Variants in RASGEF1C observed in about 807,000 individuals in gnomAD.
The protein encoded by RASGEF1C is ras-GEF domain-containing family member 1C.
In RASGEF1C, 27 loss-of-function variants were observed where a neutral mutation model predicts 58.1. The observed-to-expected ratio is 0.46, with a 90% CI of 0.34 to 0.64. RASGEF1C has a LOEUF of 0.64. Among genes scored for constraint, RASGEF1C ranks in the 30% least tolerant of loss-of-function variants. The pLI is 0.01. For missense variants in RASGEF1C, 502 were observed against 605.1 expected (o/e 0.83, Z 1.79); for synonymous variants, 243 against 246.3 (o/e 0.99, Z 0.13).
intron 6 of RASGEF1C, 72 bp downstream of exon 6, chr5:180,127,537 C>A: frequency 1.4e-6 from 2 of 1,447,854 alleles, no homozygotes; most frequent in South Asian, 1.4e-5. Flanking sequence ...AGAGAAGGCT[C>A]GCGGGCTCCC....
chr5:180,195,194 C>T (rs1289593768), intron 1 of RASGEF1C, among the ~76,000 whole-genome samples: 2 of 152,128 alleles, frequency 1.3e-5, no homozygotes, highest in Non-Finnish European at 2.9e-5. Context: ...GCATCGTGCC[C>T]TCCCGCCAGC....
At position 180,127,679 on chromosome 5, in the gene RASGEF1C, C is replaced by T. The variant is rs1334246641; in HGVS notation, c.644G>A (p.Arg215Gln). ...AQQLTHVELE[R>Q]LRHIGPEEFV... ...CTCCTCAGGCCCGATGTGCCGCAGCCGCTCCTGCAGGGAAGGGTGAAGAGT... is the reference window on the plus strand; with the variant it reads ...CTCCTCAGGCCCGATGTGCCGCAGCTGCTCCTGCAGGGAAGGGTGAAGAGT... Residue 215 changes from arginine (R) to glutamine (Q), a missense_variant, in exon 6 of 14, where the codon CGG becomes CAG. Transcript: ENST00000361132. The T allele has an allele frequency of 1.2e-6, 2 of 1,612,574 alleles. No individual in the cohort carries two copies. The highest frequency in any genetic ancestry group is 1.7e-5 in the Admixed American group (1 of 59,804).
rs1359547955 is a variant in RASGEF1C at position 180,199,303 on chromosome 5, T to C, written c.-7+9725A>G. Among the ~76,000 whole-genome samples the C allele has an allele frequency of 3.3e-5, 5 of 152,276 alleles. No homozygotes were observed. In the South Asian group the frequency reaches 6.2e-4, roughly 19 times the overall value. On this transcript the variant is annotated intron_variant, in intron 1 of 13. Transcript: ENST00000361132. ...CTTTCTACAGGAACGACAAAAAGCA[T>C]GTGGAAGTCCCGCTGTAGATTAAAG... is the stretch of plus-strand genomic sequence containing the variant.
chr5:180,179,117 G>A (rs992601872), intron 1 of RASGEF1C, among the ~76,000 whole-genome samples: 3 of 152,174 alleles, frequency 2.0e-5, no homozygotes, highest in Admixed American at 6.5e-5. Context: ...GGTCTGGATC[G>A]AGCTGGAATC....
rs1249955196 is a variant in RASGEF1C at position 180,155,221 on chromosome 5, C to T, written c.-6-17163G>A. Reference sequence around the variant, plus strand: ...TATGCTAGCTCATGTCTGGCTGCCCCGAGCAGTGGTAGCATCACGTCTAGG... The same window carrying T: ...TATGCTAGCTCATGTCTGGCTGCCCTGAGCAGTGGTAGCATCACGTCTAGG... On this transcript the variant is annotated intron_variant, in intron 1 of 13. Coordinates refer to ENST00000361132, the MANE Select transcript of RASGEF1C (RefSeq NM_175062.4). The surrounding 1 kb of genome is among the most constrained non-coding windows in gnomAD (Gnocchi z 5.2). Among the ~76,000 whole-genome samples the T allele has an allele frequency of 2.0e-5, 3 of 152,174 alleles. No individual in the cohort carries two copies. Among genetic ancestry groups the T allele is most frequent in the South Asian group, 2.1e-4 (1 of 4,836 alleles).
At chr5:180,159,432 G>A (rs930106660) in intron 1 of RASGEF1C, among the ~76,000 whole-genome samples, 3 of 152,150 alleles carry the variant, frequency 2.0e-5, no homozygotes, top group Non-Finnish European at 4.4e-5. Context: ...GAGCCACCGT[G>A]CCCGGCCTTA....
chr5:180,131,640 C>T (rs1766372384), intron 4 of RASGEF1C, among the ~76,000 whole-genome samples: 1 of 152,340 alleles, frequency 6.6e-6, no homozygotes, highest in African/African-American at 2.4e-5. Flanking sequence ...CAGGAGGTGT[C>T]CACCAGCGTC....
chr5:180,173,407 A>C (rs1241503789), intron 1 of RASGEF1C, among the ~76,000 whole-genome samples: 1 of 152,248 alleles, frequency 6.6e-6, no homozygotes, highest in South Asian at 2.1e-4. Context: ...TAGGCCATGA[A>C]GGGGACCCTG....
chr5:180,199,493 T>C lies in RASGEF1C; in HGVS notation c.-7+9535A>G, dbSNP rs1234698703. 3.3e-5 allele frequency among the ~76,000 whole-genome samples: 5 copies of C among 152,268 alleles called. No homozygotes were observed. In the East Asian group the frequency reaches 7.7e-4, roughly 23 times the overall value. On this transcript the variant is annotated intron_variant, in intron 1 of 13. Coordinates refer to ENST00000361132, the MANE Select transcript of RASGEF1C (RefSeq NM_175062.4). ...ATATTTCCTCTGCAGGGGCACTAAT[T>C]AGCTGATTCCAAGGGTCTGCACTCC...
rs947559031 is a variant in RASGEF1C, at chr5:180,197,751, C to G, written c.-7+11277G>C. ...CAGGTGCTTAAACCGTCACAGAGAG[C>G]AGTGGTCATTTTACTATGTATTATT... On this transcript the variant is annotated intron_variant, in intron 1 of 13. Coordinates refer to ENST00000361132, the MANE Select transcript of RASGEF1C (RefSeq NM_175062.4). This position sits in a 1 kb window ranked among gnomAD's most constrained non-coding sequence, Gnocchi z 4.7. 6.6e-6 allele frequency among the ~76,000 whole-genome samples: 1 copy of G among 152,200 alleles called. No individual in the cohort carries two copies. Among genetic ancestry groups the G allele is most frequent in the Admixed American group, 6.5e-5 (1 of 15,280 alleles).
chr5:180,193,883 G>T (rs576004270), intron 1 of RASGEF1C, among the ~76,000 whole-genome samples: 1 of 152,198 alleles, frequency 6.6e-6, no homozygotes, highest in Non-Finnish European at 1.5e-5. Flanking sequence ...GTGTGTCTCA[G>T]ATTTGCTGTA....
At chr5:180,199,795 G>A (rs767480284) in intron 1 of RASGEF1C, among the ~76,000 whole-genome samples, 4 of 150,900 alleles carry the variant, frequency 2.7e-5, no homozygotes, top group South Asian at 4.2e-4. Context: ...CTCCCAAAGC[G>A]CTGGGACTAC....
chr5:180,171,038 G>A (rs1030013057), intron 1 of RASGEF1C, among the ~76,000 whole-genome samples: 14 of 152,116 alleles, frequency 9.2e-5, no homozygotes, highest in African/African-American at 3.1e-4. Context: ...CAGAAGACGC[G>A]GCCGGAGTTC....
In RASGEF1C at chr5:180,137,714, T is replaced by TG; in HGVS notation, c.178-3dup. On this transcript the variant is annotated splice_polypyrimidine_tract_variant and splice_region_variant and intron_variant, in intron 2 of 13. Transcript: ENST00000361132. This position sits in a 1 kb window ranked among gnomAD's most constrained non-coding sequence, Gnocchi z 4.1. ...CAGGAAGGTGAAGATGTAGGCTTTC[T>TG]GGGGGACACACGAGAAAGAGGGCAC... The TG allele has an allele frequency of 6.2e-7, 1 of 1,612,938 alleles. No homozygotes were observed. Among genetic ancestry groups the TG allele is most frequent in the Non-Finnish European group, 8.5e-7 (1 of 1,179,924 alleles).
In RASGEF1C at chr5:180,195,848, A is replaced by G. The variant is rs1756265538; in HGVS notation, c.-7+13180T>C. On this transcript the variant is annotated intron_variant, in intron 1 of 13. Coordinates refer to ENST00000361132, the MANE Select transcript of RASGEF1C (RefSeq NM_175062.4). ...TCCGGTGAGGCAGTGGCATGTCACA[A>G]TCCCCCGTGCATCCTCCCTGCCCAC... Among the ~76,000 whole-genome samples the G allele has an allele frequency of 2.0e-5, 3 of 151,788 alleles. 1 individual carries two copies. Among genetic ancestry groups the G allele is most frequent in the African/African-American group, 7.2e-5 (3 of 41,380 alleles).
intron 1 of RASGEF1C, among the ~76,000 whole-genome samples, chr5:180,204,239 A>T (rs1262700288): frequency 6.6e-6 from 1 of 152,206 alleles, no homozygotes; most frequent in Non-Finnish European, 1.5e-5. Flanking sequence ...TGCTGTTATG[A>T]GCATTTGTGT....
intron 1 of RASGEF1C, among the ~76,000 whole-genome samples, chr5:180,150,314 T>C (rs1194311400): frequency 6.6e-6 from 1 of 152,222 alleles, no homozygotes; most frequent in Admixed American, 6.5e-5. Flanking sequence ...TCTTTGCACA[T>C]CTTTAGGACA....
chr5:180,136,995 C>T (rs1043302270), intron 3 of RASGEF1C, among the ~76,000 whole-genome samples: 8 of 152,224 alleles, frequency 5.3e-5, no homozygotes, highest in South Asian at 4.1e-4. Flanking sequence ...GAGCCTGGTG[C>T]GGTGGAGGCG....
rs1308878473 is a variant in RASGEF1C, at chr5:180,168,801, T to TA, written c.-6-30744_-6-30743insT. On this transcript the variant is annotated intron_variant, in intron 1 of 13. Transcript: ENST00000361132. This position sits in a 1 kb window ranked among gnomAD's most constrained non-coding sequence, Gnocchi z 6.0. ...AGAGCAAAGATTTTTAAAATGGATT[T>TA]TCTCCATGCTCTGTGAATAATAAGA... is the stretch of plus-strand genomic sequence containing the variant. 6.6e-6 allele frequency among the ~76,000 whole-genome samples: 1 copy of TA among 152,196 alleles called. No homozygotes were observed. Among genetic ancestry groups the TA allele is most frequent in the Non-Finnish European group, 1.5e-5 (1 of 68,040 alleles).
Sources: gnomAD v4.1 joint callset for allele counts (sites outside exome capture counted in the v4.1 genomes callset) on GRCh38, gnomAD v4.1.1 for gene constraint, Gnocchi (gnomAD v3.1) non-coding constraint, MANE v1.5 for transcripts, NCBI Gene and HGNC (gene_info 2026-07-23, HGNC 2026-07-21) for gene names.